The following NXF1 variants were observed in gnomAD, a reference collection of about 807,000 sequenced individuals.
NXF1 encodes the protein nuclear RNA export factor 1.
In NXF1, 43 loss-of-function variants were observed where a neutral mutation model predicts 92.4. The ratio of observed to expected loss-of-function variants is 0.47; its 90% confidence interval spans 0.36 to 0.60. NXF1 has a LOEUF of 0.60. NXF1 is among the 20% of genes least tolerant of loss of function. The pLI, the probability that NXF1 is intolerant of heterozygous loss-of-function variation, is 0.00. For missense variants in NXF1, 576 were observed against 793.0 expected, an observed-to-expected ratio of 0.73 and a Z score of 3.29; for synonymous variants, 288 against 292.2, an observed-to-expected ratio of 0.99 and a Z score of 0.15.
chr11:62,795,195 C>T (rs1171614682), intron 17 of NXF1, 188 bp from the exon 18 acceptor site: 6 of 558,948 alleles, frequency 1.1e-5, no homozygotes, highest in Admixed American at 2.9e-5. Context: ...GTAATAACTA[C>T]GGCCGGGCAC....
At chr11:62,794,024 A>G (rs967870917) in intron 19 of NXF1, among the ~76,000 whole-genome samples, 5 of 151,544 alleles carry the variant, frequency 3.3e-5, no homozygotes, top group African/African-American at 1.2e-4. Flanking sequence ...TAATAAAATA[A>G]AATAAGGTGG....
intron 10 of NXF1, chr11:62,799,785 G>C: frequency 1.0e-6 from 1 of 985,860 alleles, no homozygotes; most frequent in Non-Finnish European, 1.2e-6. Context: ...TCTTCAGGGA[G>C]AGCCCAGCTC....
chr11:62,801,201 G>A lies in NXF1; in HGVS notation c.799C>T (p.Leu267=), dbSNP rs1331049028. The A allele has an allele frequency of 6.2e-7, 1 of 1,613,852 alleles. No homozygotes were observed. The highest frequency in any genetic ancestry group is 2.2e-5 in the East Asian group (1 of 44,884). The change falls in exon 9 of 21, where the codon CTA becomes TTA. Residue 267 remains leucine, a splice_region_variant and synonymous_variant. Coordinates refer to ENST00000294172, the MANE Select transcript of NXF1 (RefSeq NM_006362.5). ...TTGTTGCTCAAGTTCAAGGACAATA[G>A]CTGTGAGGAGAGAAGAGTTTAGAGG... is the stretch of plus-strand genomic sequence containing the variant. ...LRIIEENIPE[L]LSLNLSNNRL...
Position 62,792,205 on chromosome 11 carries a change from G to T in NXF1, c.*271C>A. 1 of 645,474 alleles carries T rather than the reference G, an allele frequency of 1.5e-6. No homozygotes were observed. 40.0% of individuals were successfully genotyped at this position (645,474 alleles called of 1,614,324 possible). ...ACTCTTTATATTAAAAAGTAAGGAG[G>T]TCCTGGGGTTAAGTACACAAAGCAC... On this transcript the variant is annotated 3_prime_UTR_variant, in exon 21 of 21. Transcript: ENST00000294172.
chr11:62,800,298 G>A (rs768783153), intron 10 of NXF1, 79 bp downstream of exon 10: 38 of 1,601,764 alleles, frequency 2.4e-5, no homozygotes, highest in African/African-American at 2.7e-5. Flanking sequence ...CTCCGCAGAC[G>A]GGCCCTGGTC....
rs549618184 is a variant in NXF1, at chr11:62,805,071, C to T, written c.28+258G>A. On this transcript the variant is annotated intron_variant, in intron 1 of 20. Coordinates refer to ENST00000294172, the MANE Select transcript of NXF1 (RefSeq NM_006362.5). The stretch of plus-strand genomic sequence containing the variant: ...AACCTAACTGACAGGCATCAACCAC[C>T]CACAAAGTTCAAAGGAATCCCGTCA... The T allele has an allele frequency of 1.1e-4, 38 of 359,114 alleles. 1 individual carries two copies. In the South Asian group the frequency reaches 1.8e-3, roughly 17 times the overall value. The allele number at this position is 359,114 out of a possible 1,614,324, so 22.2% of individuals were successfully genotyped here.
chr11:62,792,435 G>A lies in NXF1; in HGVS notation c.*41C>T. 1.2e-6 allele frequency: 2 copies of A among 1,611,638 alleles called. No homozygotes were observed. The highest frequency in any genetic ancestry group is 1.1e-5 in the South Asian group (1 of 91,058). Reference sequence around the variant, plus strand: ...CGACAACCAGACGGTAATATCCAAGGACTATTTACAGGGGGGACTGCTTCT... The same window carrying A: ...CGACAACCAGACGGTAATATCCAAGAACTATTTACAGGGGGGACTGCTTCT... On this transcript the variant is annotated 3_prime_UTR_variant, in exon 21 of 21. Coordinates refer to ENST00000294172, the MANE Select transcript of NXF1 (RefSeq NM_006362.5).
intron 10 of NXF1, chr11:62,799,613 AGT>A: frequency 1.0e-6 from 1 of 985,740 alleles, no homozygotes; most frequent in Non-Finnish European, 1.2e-6. Flanking sequence ...GGTGACGTGC[AGT>A]GTGTGAGTGA....
chr11:62,795,100 T>A, intron 17 of NXF1, 93 bp from the exon 18 acceptor site: 2 of 1,221,942 alleles, frequency 1.6e-6, no homozygotes, highest in Non-Finnish European at 2.4e-6. Flanking sequence ...TAAAGAATCC[T>A]AGCAAGTCAG....
intron 14 of NXF1, 42 bp from the exon 15 acceptor site, chr11:62,796,387 C>T: frequency 6.2e-7 from 1 of 1,613,252 alleles, no homozygotes; most frequent in South Asian, 1.1e-5. Context: ...CAGAGCAGTG[C>T]TGCCAGCAGG....
rs2084499520 is a variant in NXF1 at position 62,803,279 on chromosome 11, G to A, written c.369+140C>T. 3.0e-5 allele frequency: 20 copies of A among 660,836 alleles called. 1 individual carries two copies. The South Asian group carries it at 4.0e-4, about 13-fold the overall frequency. 40.9% of individuals were successfully genotyped at this position (660,836 alleles called of 1,614,324 possible). The stretch of plus-strand genomic sequence containing the variant: ...TGCAGTGAGCCGAGATCACGCCACT[G>A]TACTCCAGCCTGGGTGACAGAGCAA... On this transcript the variant is annotated intron_variant, in intron 3 of 20. Coordinates refer to ENST00000294172, the MANE Select transcript of NXF1 (RefSeq NM_006362.5).
chr11:62,796,162 C>T lies in NXF1; in HGVS notation c.1365G>A (p.Leu455=). The T allele has an allele frequency of 6.2e-7, 1 of 1,614,192 alleles. No individual in the cohort carries two copies. The highest frequency in any genetic ancestry group is 8.5e-7 in the Non-Finnish European group (1 of 1,180,032). Reference sequence around the variant, plus strand: ...CAACAACGTTGAGACGCGTGTGCTTCAGCAGCCGGAACCGCAAGGCTGTGG... The same window carrying T: ...CAACAACGTTGAGACGCGTGTGCTTTAGCAGCCGGAACCGCAAGGCTGTGG... ...LKDPTLRFRL[L]KHTRLNVVAF... is the part of the protein sequence containing the mutation. Residue 455 remains leucine, a synonymous_variant, in exon 16 of 21, where the codon CTG becomes CTA. Coordinates refer to ENST00000294172, the MANE Select transcript of NXF1 (RefSeq NM_006362.5).
At chr11:62,800,960 A>G in intron 9 of NXF1, 134 bp downstream of exon 9, 1 of 698,154 alleles carries the variant, frequency 1.4e-6, no homozygotes, top group South Asian at 1.8e-5. Flanking sequence ...TTGGCCTCCC[A>G]AAGTGTTAGG....
chr11:62,792,369 G>T lies in NXF1; in HGVS notation c.*107C>A. On this transcript the variant is annotated 3_prime_UTR_variant, in exon 21 of 21. Coordinates refer to ENST00000294172, the MANE Select transcript of NXF1 (RefSeq NM_006362.5). ...GGCAGCCCTCCCTCCCTCGGTCACA[G>T]TCACGGGGCGGCCTCGGGCCAGACA... The T allele has an allele frequency of 7.2e-7, 1 of 1,395,270 alleles. No individual in the cohort carries two copies. Among genetic ancestry groups the T allele is most frequent in the Non-Finnish European group, 1.0e-6 (1 of 983,582 alleles). 86.4% of individuals were successfully genotyped at this position (1,395,270 alleles called of 1,614,324 possible).
intron 1 of NXF1, 89 bp from the exon 2 acceptor site, chr11:62,804,067 G>A (rs1167844462): frequency 6.3e-7 from 1 of 1,598,394 alleles, no homozygotes; most frequent in Admixed American, 1.7e-5. Flanking sequence ...CTGAACTATT[G>A]GAAGAGATAC....
In NXF1 at chr11:62,795,456, T is replaced by C. The variant is rs540462343; in HGVS notation, c.1504+445A>G. On this transcript the variant is annotated intron_variant, in intron 17 of 20. Transcript: ENST00000294172. ...GCGCCACTGCACTCCAGCCTGGTGA[T>C]AGAGTGTGACTCCATCTCAAAAAAA... The C allele has an allele frequency of 3.5e-4, 75 of 214,768 alleles. 1 individual carries two copies. In the East Asian group the frequency reaches 4.0e-3, roughly 12 times the overall value. The allele number at this position is 214,768 out of a possible 1,614,324, so 13.3% of individuals were successfully genotyped here. A position where few individuals can be genotyped will look rare whatever the true frequency, so the allele number is the denominator to read the frequency against.
intron 1 of NXF1, chr11:62,804,194 G>T: frequency 6.6e-7 from 1 of 1,517,098 alleles, no homozygotes; most frequent in Non-Finnish European, 8.8e-7. Context: ...TAGGGCTTTT[G>T]AAAAATGAAG....
At chr11:62,798,340 A>T (rs954103219) in intron 11 of NXF1, among the ~76,000 whole-genome samples, 199 bp downstream of exon 11, 1 of 152,022 alleles carries the variant, frequency 6.6e-6, no homozygotes, top group Admixed American at 6.6e-5. Context: ...AGGCTGAGGC[A>T]GGAGAATCGC....
chr11:62,796,944 G>A, intron 13 of NXF1: 2 of 575,506 alleles, frequency 3.5e-6, no homozygotes, highest in East Asian at 5.9e-5. Context: ...GCACACACCT[G>A]TAGTCCCAGC....
Sources: gnomAD v4.1 joint callset for allele counts (sites outside exome capture counted in the v4.1 genomes callset) on GRCh38, gnomAD v4.1.1 for gene constraint, MANE v1.5 for transcripts, NCBI Gene and HGNC (gene_info 2026-07-23, HGNC 2026-07-21) for gene names.